The following GATAD2A variants were observed in gnomAD, a reference collection of about 807,000 sequenced individuals.
The protein encoded by GATAD2A is transcriptional repressor p66-alpha.
A neutral mutation model predicts 68.5 loss-of-function variants in GATAD2A; 12 were observed. That is an observed-to-expected ratio of 0.18 (90% CI 0.11 to 0.28). GATAD2A has a LOEUF of 0.28. Among genes scored for constraint, GATAD2A ranks in the 10% least tolerant of loss-of-function variants. The probability of loss-of-function intolerance (pLI) is 1.00; values close to 1 mark genes in which losing one functional copy is unlikely to be tolerated. For missense variants in GATAD2A, 755 were observed against 868.5 expected, an observed-to-expected ratio of 0.87 and a Z score of 1.64; for synonymous variants, 410 against 375.3, an observed-to-expected ratio of 1.09 and a Z score of -1.07.
chr19:19,442,374 C>T (rs1264296878), intron 1 of GATAD2A, among the ~76,000 whole-genome samples: 1 of 152,038 alleles, frequency 6.6e-6, no homozygotes, highest in South Asian at 2.1e-4. Flanking sequence ...ACCTGTAATC[C>T]CAGCACTTCG....
intron 1 of GATAD2A, among the ~76,000 whole-genome samples, chr19:19,389,003 G>GT (rs2048659147): frequency 6.6e-6 from 1 of 152,096 alleles, no homozygotes; most frequent in African/African-American, 2.4e-5. Flanking sequence ...CGACATTTCT[G>GT]TAAGTTTTAG....
intron 1 of GATAD2A, among the ~76,000 whole-genome samples, chr19:19,410,230 C>T (rs1046222294): frequency 1.3e-5 from 2 of 151,606 alleles, no homozygotes; most frequent in Non-Finnish European, 1.5e-5. Context: ...CTGCAATTTC[C>T]GAGGATGCTG....
chr19:19,440,775 T>C (rs2054928320), intron 1 of GATAD2A, among the ~76,000 whole-genome samples: 1 of 152,226 alleles, frequency 6.6e-6, no homozygotes, highest in African/African-American at 2.4e-5. Context: ...TACATGTCAG[T>C]TGTAACACAC....
chr19:19,441,571 T>C (rs1405295271), intron 1 of GATAD2A: 1 of 155,708 alleles, frequency 6.4e-6, no homozygotes, highest in East Asian at 1.9e-4. Flanking sequence ...TTGTTTTTGT[T>C]TTTGTTTTAA....
chr19:19,417,517 C>G (rs943700267), intron 1 of GATAD2A, among the ~76,000 whole-genome samples: 1 of 151,962 alleles, frequency 6.6e-6, no homozygotes, highest in East Asian at 1.9e-4. Flanking sequence ...GTGTTGGGTG[C>G]GGGGGGTGGA....
chr19:19,458,493 C>G (rs564437233), intron 1 of GATAD2A: 1 of 152,216 alleles, frequency 6.6e-6, no homozygotes, highest in Non-Finnish European at 1.5e-5. Flanking sequence ...ACTGTTTGCT[C>G]TACACTGAAA....
intron 2 of GATAD2A, among the ~76,000 whole-genome samples, chr19:19,468,670 A>G (rs562247474): frequency 3.6e-4 from 55 of 152,374 alleles, no homozygotes; most frequent in Admixed American, 3.5e-3. Context: ...AAAAGTATCC[A>G]AAGAAGAAAA....
chr19:19,442,969 C>T (rs2147687301), intron 1 of GATAD2A, among the ~76,000 whole-genome samples: 1 of 152,148 alleles, frequency 6.6e-6, no homozygotes, highest in South Asian at 2.1e-4. Context: ...GGGCAAGGTT[C>T]CCTCGCATGG....
chr19:19,500,186 C>G (rs2060432753), intron 8 of GATAD2A, among the ~76,000 whole-genome samples: 1 of 152,242 alleles, frequency 6.6e-6, no homozygotes, highest in Admixed American at 6.5e-5. Context: ...CCTCCCAGAG[C>G]CCCCAGCCTC....
chr19:19,456,438 T>C (rs1280567385), intron 1 of GATAD2A, among the ~76,000 whole-genome samples: 2 of 152,174 alleles, frequency 1.3e-5, no homozygotes, highest in African/African-American at 4.8e-5. Context: ...GCAACATTTG[T>C]ATATTTCTTA....
chr19:19,484,532 C>CTTTTTTTTTTTTTTTTTTTTT (rs897099165), intron 2 of GATAD2A, among the ~76,000 whole-genome samples: 32 of 86,956 alleles, frequency 3.7e-4, no homozygotes, highest in East Asian at 9.9e-4. Flanking sequence ...TTTTTTTTTT[C>CTTTTTTTTTTTTTTTTTTTTT]TTTTTTTTTT....
intron 1 of GATAD2A, among the ~76,000 whole-genome samples, chr19:19,440,771 T>A (rs2054927312): frequency 6.6e-6 from 1 of 152,216 alleles, no homozygotes; most frequent in South Asian, 2.1e-4. Context: ...TAGGTACATG[T>A]CAGTTGTAAC....
At chr19:19,399,059 A>C (rs1700062607) in intron 1 of GATAD2A, among the ~76,000 whole-genome samples, 1 of 150,530 alleles carries the variant, frequency 6.6e-6, no homozygotes, top group Non-Finnish European at 1.5e-5. Context: ...ACTCCGTCTC[A>C]AAAAAAAAGC....
intron 1 of GATAD2A, among the ~76,000 whole-genome samples, chr19:19,451,031 A>G (rs1039345660): frequency 6.0e-5 from 9 of 150,752 alleles, no homozygotes; most frequent in Non-Finnish European, 3.0e-5. Flanking sequence ...CAGCCTCCCA[A>G]AATGCTGATA....
At chr19:19,483,832 G>GT (rs1283926249) in intron 2 of GATAD2A, among the ~76,000 whole-genome samples, 1 of 137,280 alleles carries the variant, frequency 7.3e-6, no homozygotes, top group Non-Finnish European at 1.5e-5. Context: ...GTTTCACCAT[G>GT]TTAGCCAGGA....
intron 1 of GATAD2A, among the ~76,000 whole-genome samples, chr19:19,443,902 T>C (rs1458192102): frequency 1.3e-5 from 2 of 151,978 alleles, no homozygotes; most frequent in African/African-American, 4.8e-5. Context: ...GAGACTGGAA[T>C]TGCCAGAGGG....
chr19:19,497,223 G>A (rs1044530402), intron 7 of GATAD2A, among the ~76,000 whole-genome samples: 2 of 152,202 alleles, frequency 1.3e-5, no homozygotes, highest in Non-Finnish European at 2.9e-5. Context: ...AGCCTCCCAA[G>A]TAGCTGGGAC....
intron 2 of GATAD2A, among the ~76,000 whole-genome samples, chr19:19,490,768 C>T (rs942706486): frequency 6.6e-6 from 1 of 152,154 alleles, no homozygotes; most frequent in East Asian, 1.9e-4. Context: ...TGCCTGTAAT[C>T]CAGCTACTCA....
chr19:19,425,043 C>T (rs765117034), intron 1 of GATAD2A, among the ~76,000 whole-genome samples: 2 of 146,882 alleles, frequency 1.4e-5, no homozygotes, highest in South Asian at 4.3e-4. Context: ...GCCAAGAGTT[C>T]AAGACTAGCC....
Sources: gnomAD v4.1 joint callset for allele counts (sites outside exome capture counted in the v4.1 genomes callset) on GRCh38, gnomAD v4.1.1 for gene constraint, MANE v1.5 for transcripts, NCBI Gene and HGNC (gene_info 2026-07-23, HGNC 2026-07-21) for gene names.